Variants in CCDC149 observed in about 807,000 individuals in gnomAD.
CCDC149 encodes the protein coiled-coil domain-containing protein 149.
In CCDC149, 45 loss-of-function variants were observed where a neutral mutation model predicts 59.9. The ratio of observed to expected loss-of-function variants is 0.75; its 90% CI spans 0.59 to 0.96. The LOEUF (loss-of-function observed/expected upper bound fraction) is 0.96. Among genes scored for constraint, CCDC149 ranks in the 40% least tolerant of loss-of-function variants. The pLI, the probability that CCDC149 is intolerant of heterozygous loss-of-function variation, is 0.00. For synonymous variants in CCDC149, 245 were observed against 260.6 expected (o/e 0.94, Z 0.58); for missense variants, 584 against 664.7 (o/e 0.88, Z 1.33).
upstream of CCDC149, among the ~76,000 whole-genome samples, chr4:24,917,846 T>TA (rs1260375499): frequency 6.6e-6 from 1 of 152,024 alleles, no homozygotes; most frequent in Admixed American, 6.5e-5. Context: ...CAGCACAAAT[T>TA]TGATGTAAAT....
chr4:24,958,349 C>T (rs1723528392), intron 1 of CCDC149, among the ~76,000 whole-genome samples: 1 of 152,184 alleles, frequency 6.6e-6, no homozygotes, highest in Non-Finnish European at 1.5e-5. Context: ...GCCTTTCTGC[C>T]TGCAGTGCCT....
intron 12 of CCDC149, among the ~76,000 whole-genome samples, chr4:24,813,511 T>TATAC (rs1560197658): frequency 7.0e-6 from 1 of 143,878 alleles, no homozygotes; most frequent in African/African-American, 2.6e-5. Flanking sequence ...TATATATATA[T>TATAC]ATATATATAT....
chr4:24,812,965 CAGCCA>C (rs1714729435), intron 12 of CCDC149, among the ~76,000 whole-genome samples: 1 of 152,152 alleles, frequency 6.6e-6, no homozygotes, highest in Non-Finnish European at 1.5e-5. Flanking sequence ...GGTGAGGACA[CAGCCA>C]AACCATATCA....
chr4:24,835,166 C>G, intron 7 of CCDC149, 134 bp from the exon 8 acceptor site: 1 of 578,684 alleles, frequency 1.7e-6, no homozygotes, highest in Non-Finnish European at 3.1e-6. Context: ...ATTTAGAATT[C>G]CAAGTCTACG....
chr4:24,861,001 T>A (rs1381364043), intron 3 of CCDC149, among the ~76,000 whole-genome samples: 2 of 152,182 alleles, frequency 1.3e-5, no homozygotes, highest in African/African-American at 4.8e-5. Flanking sequence ...GGAACACTTT[T>A]ACACTGCTGG....
chr4:24,953,833 A>G (rs540417031), intron 1 of CCDC149, among the ~76,000 whole-genome samples: 1 of 152,298 alleles, frequency 6.6e-6, no homozygotes, highest in Admixed American at 6.5e-5. Context: ...AAATATCAAG[A>G]AGAGAGAAAA....
chr4:24,849,795 CCACTTT>C (rs1227382592), intron 4 of CCDC149, among the ~76,000 whole-genome samples: 2 of 152,218 alleles, frequency 1.3e-5, no homozygotes. Context: ...TAAAAATCTT[CCACTTT>C]AACAGTCACT....
rs926264871 is a variant in CCDC149 at position 24,960,610 on chromosome 4, C to T, written c.-65+19459G>A. 5.9e-5 allele frequency among the ~76,000 whole-genome samples: 9 copies of T among 152,038 alleles called. No individual in the cohort carries two copies. The East Asian group carries it at 1.2e-3, about 20-fold the overall frequency. On this transcript the variant is annotated intron_variant, in intron 1 of 12. Transcript: ENST00000389609. The stretch of plus-strand genomic sequence containing the variant: ...ATTTTTTAAAGGTGGAGTGACTATA[C>T]GAATATCACATAAAATGTATTTTAG...
At chr4:24,857,662 T>G (rs115659351) in intron 3 of CCDC149, among the ~76,000 whole-genome samples, 12 of 152,198 alleles carry the variant, frequency 7.9e-5, no homozygotes, top group Non-Finnish European at 1.6e-4. Context: ...GACCTAGTGA[T>G]GTGATTATTG....
chr4:24,831,472 G>A (rs374950985), intron 9 of CCDC149, 34 bp downstream of exon 9: 117 of 1,608,632 alleles, frequency 7.3e-5, no homozygotes, highest in African/African-American at 5.0e-4. Context: ...CTTCCTTCGC[G>A]CCCACCCCCC....
intron 1 of CCDC149, among the ~76,000 whole-genome samples, chr4:24,948,588 G>A (rs1261805968): frequency 1.3e-5 from 2 of 152,190 alleles, no homozygotes; most frequent in Admixed American, 6.5e-5. Context: ...AAATAAGATA[G>A]AGGGCAGGAT....
At chr4:24,956,720 T>A (rs990685571) in intron 1 of CCDC149, among the ~76,000 whole-genome samples, 7 of 152,200 alleles carry the variant, frequency 4.6e-5, no homozygotes, top group Non-Finnish European at 1.0e-4. Context: ...GCCATGACAT[T>A]TCATCCAAAG....
At chr4:24,822,403 G>A (rs893566017) in intron 10 of CCDC149, 94 bp downstream of exon 10, 2 of 691,170 alleles carry the variant, frequency 2.9e-6, no homozygotes, top group Non-Finnish European at 2.3e-6. Context: ...GGACATTAAA[G>A]AGGTAGAAGA....
chr4:24,953,910 G>A (rs1020954037), intron 1 of CCDC149, among the ~76,000 whole-genome samples: 2 of 150,852 alleles, frequency 1.3e-5, no homozygotes, highest in African/African-American at 4.9e-5. Context: ...AGGCTCACTA[G>A]AAACATTCAA....
rs369543642 is a variant in CCDC149 at position 24,819,953 on chromosome 4, G to C, written c.1098C>G (p.Phe366Leu). ...GTCCACTAGGAAGAGTGGGGTCGCT[G>C]AACAGTATGGTGTCCTTGCCCCCTG... Residue 366 changes from phenylalanine (F) to leucine (L), a missense_variant, in exon 12 of 13, where the codon TTC becomes TTG. Coordinates refer to ENST00000635206, the MANE Select transcript of CCDC149 (RefSeq NM_001330643.2). 1.3e-6 allele frequency: 2 copies of C among 1,551,298 alleles called. No individual in the cohort carries two copies. The highest frequency in any genetic ancestry group is 1.4e-5 in the African/African-American group (1 of 73,022).
chr4:24,951,616 A>G (rs942263667), intron 1 of CCDC149, among the ~76,000 whole-genome samples: 1 of 152,202 alleles, frequency 6.6e-6, no homozygotes, highest in African/African-American at 2.4e-5. Flanking sequence ...GCTGACTGAT[A>G]ACAATTTATC....
chr4:24,866,536 C>T (rs1366960500), intron 3 of CCDC149, among the ~76,000 whole-genome samples: 2 of 152,086 alleles, frequency 1.3e-5, no homozygotes, highest in Non-Finnish European at 2.9e-5. Flanking sequence ...CACTGCAGTG[C>T]AAAGGGGCGC....
chr4:24,930,082 A>G (rs940466036), intron 1 of CCDC149, among the ~76,000 whole-genome samples: 3 of 152,254 alleles, frequency 2.0e-5, no homozygotes, highest in Admixed American at 1.3e-4. Flanking sequence ...GGACATACAG[A>G]CAAATGACAT....
intron 2 of CCDC149, among the ~76,000 whole-genome samples, chr4:24,874,258 T>TA (rs1189002846): frequency 3.8e-5 from 2 of 52,210 alleles, no homozygotes; most frequent in South Asian, 1.4e-3. Flanking sequence ...TTTTTTTTTT[T>TA]TGTTTTGTTT....
Sources: gnomAD v4.1 joint callset for allele counts (sites outside exome capture counted in the v4.1 genomes callset) on GRCh38, gnomAD v4.1.1 for gene constraint, MANE v1.5 for transcripts, NCBI Gene and HGNC (gene_info 2026-07-23, HGNC 2026-07-21) for gene names.